ASTN1: variants seen among roughly 807,000 people sequenced by gnomAD.
The protein encoded by ASTN1 is astrotactin-1.
Under a neutral mutation model 140.7 loss-of-function variants are expected in ASTN1, and 41 were observed. The observed-to-expected ratio is 0.29, with a 90% CI of 0.23 to 0.38. The LOEUF is 0.38. ASTN1 is among the 10% of genes least tolerant of loss of function. The pLI is 1.00. For synonymous variants in ASTN1, 640 were observed against 652.2 expected, an observed-to-expected ratio of 0.98 and a Z score of 0.29; for missense variants, 1,479 against 1,678.8, an observed-to-expected ratio of 0.88 and a Z score of 2.08.
chr1:177,120,732 G>A (rs1027898558), intron 1 of ASTN1, among the ~76,000 whole-genome samples: 8 of 152,008 alleles, frequency 5.3e-5, no homozygotes, highest in East Asian at 1.9e-4. Flanking sequence ...ATTGGTATTC[G>A]CCTTGGCTAT....
At chr1:177,073,223 A>G (rs942420222) in intron 1 of ASTN1, among the ~76,000 whole-genome samples, 1 of 152,122 alleles carries the variant, frequency 6.6e-6, no homozygotes, top group Admixed American at 6.5e-5. Context: ...CCAGACATCA[A>G]CCTTAAAGCT....
intron 11 of ASTN1, among the ~76,000 whole-genome samples, chr1:176,955,191 C>T (rs1672349448): frequency 6.6e-6 from 1 of 152,146 alleles, no homozygotes; most frequent in Non-Finnish European, 1.5e-5. Context: ...GTAAACTTTA[C>T]GTGGAGAGGA....
At chr1:176,902,210 C>T (rs892579892) in intron 16 of ASTN1, among the ~76,000 whole-genome samples, 1 of 152,188 alleles carries the variant, frequency 6.6e-6, no homozygotes, top group Non-Finnish European at 1.5e-5. Context: ...AAAATGCTTA[C>T]GTTCCCTCCA....
chr1:176,959,412 C>T (rs954116289), intron 9 of ASTN1, among the ~76,000 whole-genome samples: 13 of 152,066 alleles, frequency 8.5e-5, no homozygotes, highest in African/African-American at 3.1e-4. Context: ...GCTCGTACAG[C>T]ACCATTTCAG....
intron 1 of ASTN1, among the ~76,000 whole-genome samples, chr1:177,115,655 A>AAAATAAATAAATAAAT (rs3041964): frequency 1.5e-4 from 21 of 141,966 alleles, no homozygotes; most frequent in East Asian, 2.1e-4. Flanking sequence ...AGACTGTGTC[A>AAAATAAATAAATAAAT]AAATAAATAA....
At chr1:176,860,415 T>C (rs1029352891), downstream of ASTN1, among the ~76,000 whole-genome samples, 1 of 152,222 alleles carries the variant, frequency 6.6e-6, no homozygotes, top group Non-Finnish European at 1.5e-5. Flanking sequence ...ACCACCTGAT[T>C]GTTGAAGAAT....
chr1:177,065,810 A>C (rs180753772), intron 1 of ASTN1, among the ~76,000 whole-genome samples: 17 of 152,308 alleles, frequency 1.1e-4, no homozygotes, highest in Non-Finnish European at 1.9e-4. Context: ...AAGCAGAGGA[A>C]TGAACTAGGC....
In ASTN1 at chr1:176,977,895, T is replaced by G. The variant is rs760692; in HGVS notation, c.1524-12658A>C. Among the ~76,000 whole-genome samples, 662 of 152,314 alleles carry G rather than the reference T, an allele frequency of 4.3e-3. 6 individuals are homozygous for G. Among genetic ancestry groups the G allele is most frequent in the African/African-American group, 0.015 (632 of 41,570 alleles). ...AGGAGAGTCACTGGGCTGCACTGGCTGAAGGCTAATGACTTGGGGTGACAT... is the reference window on the plus strand; with the variant it reads ...AGGAGAGTCACTGGGCTGCACTGGCGGAAGGCTAATGACTTGGGGTGACAT... On this transcript the variant is annotated intron_variant, in intron 8 of 22. Transcript: ENST00000361833.
At chr1:177,048,162 C>T (rs1021205211) in intron 2 of ASTN1, among the ~76,000 whole-genome samples, 1 of 152,182 alleles carries the variant, frequency 6.6e-6, no homozygotes, top group Non-Finnish European at 1.5e-5. Flanking sequence ...AGGGCGGCCG[C>T]CAGAGGGGCT....
intron 8 of ASTN1, among the ~76,000 whole-genome samples, chr1:176,994,102 A>AC (rs371555407): frequency 0.024 from 2,970 of 123,126 alleles, 84 homozygotes; most frequent in African/African-American, 0.077. Flanking sequence ...TTTTCACCCC[A>AC]CCCCCCCCGC....
intron 8 of ASTN1, among the ~76,000 whole-genome samples, chr1:176,998,748 A>C (rs2101909413): frequency 6.6e-6 from 1 of 152,280 alleles, no homozygotes; most frequent in South Asian, 2.1e-4. Flanking sequence ...GCAAGACATA[A>C]AATGGGGGCC....
chr1:176,999,875 T>G, intron 8 of ASTN1, among the ~76,000 whole-genome samples: 1 of 152,298 alleles, frequency 6.6e-6, no homozygotes, highest in East Asian at 1.9e-4. Flanking sequence ...CCATCCACCA[T>G]GTTTATAAGA....
At chr1:176,858,716 T>C (rs2103002723), downstream of ASTN1, among the ~76,000 whole-genome samples, 1 of 152,318 alleles carries the variant, frequency 6.6e-6, no homozygotes. Context: ...GTGCCCTAAG[T>C]TGATTTCCTA....
chr1:177,008,092 C>T (rs1205631869), intron 8 of ASTN1, among the ~76,000 whole-genome samples: 1 of 152,176 alleles, frequency 6.6e-6, no homozygotes, highest in Non-Finnish European at 1.5e-5. Flanking sequence ...CTGGAGGGGA[C>T]GATTCTGTTA....
At chr1:176,877,192 GA>G in intron 20 of ASTN1, among the ~76,000 whole-genome samples, 1 of 152,332 alleles carries the variant, frequency 6.6e-6, no homozygotes, top group East Asian at 1.9e-4. Flanking sequence ...GCCACTGTGA[GA>G]ACGAAATGAG....
chr1:176,898,122 T>G (rs1218631497), intron 16 of ASTN1, among the ~76,000 whole-genome samples: 1 of 152,122 alleles, frequency 6.6e-6, no homozygotes, highest in Non-Finnish European at 1.5e-5. Flanking sequence ...AAAATCAAGA[T>G]GCAGCGAATC....
intron 1 of ASTN1, among the ~76,000 whole-genome samples, chr1:177,102,105 T>C (rs12090874): frequency 1.2e-3 from 189 of 152,308 alleles, no homozygotes; most frequent in African/African-American, 4.4e-3. Context: ...TTCAGGAACA[T>C]ACATCATTTT....
intron 8 of ASTN1, among the ~76,000 whole-genome samples, chr1:177,006,525 GC>G (rs1257132696): frequency 2.0e-5 from 3 of 152,150 alleles, no homozygotes; most frequent in Non-Finnish European, 2.9e-5. Flanking sequence ...CTAGTGGAAT[GC>G]CCATGCATGC....
At chr1:177,012,908 C>T (rs551456005) in intron 8 of ASTN1, among the ~76,000 whole-genome samples, 1 of 152,322 alleles carries the variant, frequency 6.6e-6, no homozygotes, top group South Asian at 2.1e-4. Context: ...TTATCCATCA[C>T]TTTTTTACAC....
Sources: gnomAD v4.1 joint callset for allele counts (sites outside exome capture counted in the v4.1 genomes callset) on GRCh38, gnomAD v4.1.1 for gene constraint, MANE v1.5 for transcripts, NCBI Gene and HGNC (gene_info 2026-07-23, HGNC 2026-07-21) for gene names.